Variants in KCNT1 observed in about 807,000 individuals in gnomAD.
The protein encoded by KCNT1 is potassium sodium-activated channel subfamily T member 1, also known as potassium channel subfamily T member 1.
In KCNT1, 78 loss-of-function variants were observed where a neutral mutation model predicts 147.8. That is an observed-to-expected ratio of 0.53 (90% CI 0.44 to 0.64). The LOEUF is 0.64. Ranked by LOEUF, KCNT1 falls within the 30% of genes least tolerant of loss-of-function variation. The pLI is 0.00. For synonymous variants in KCNT1, 867 were observed against 748.8 expected (o/e 1.16, Z -2.58); for missense variants, 1,419 against 1,750.3 (o/e 0.81, Z 3.38).
intron 9 of KCNT1, among the ~76,000 whole-genome samples, 176 bp downstream of exon 9, chr9:135,757,557 A>G (rs1404024563): frequency 6.6e-6 from 1 of 152,178 alleles, no homozygotes; most frequent in African/African-American, 2.4e-5. Flanking sequence ...CATCCAAGCC[A>G]AGCCCCGAAT....
chr9:135,744,999 C>T (rs1056796322), intron 2 of KCNT1, among the ~76,000 whole-genome samples: 5 of 152,308 alleles, frequency 3.3e-5, no homozygotes, highest in East Asian at 3.9e-4. Flanking sequence ...TGTGTGGCTG[C>T]GCCCTGAGCC....
At chr9:135,782,483 C>T (rs976993743) in intron 24 of KCNT1, among the ~76,000 whole-genome samples, 2 of 152,322 alleles carry the variant, frequency 1.3e-5, no homozygotes, top group Non-Finnish European at 1.5e-5. Context: ...TGGGGCTGCA[C>T]GGTGCCTGTC....
At chr9:135,743,910 G>A (rs12685666) in intron 2 of KCNT1, among the ~76,000 whole-genome samples, 20,430 of 152,302 alleles carry the variant, frequency 0.13, 1,548 homozygotes, top group South Asian at 0.17. Flanking sequence ...GCCCTTGGGC[G>A]TATCAGATGC....
At chr9:135,746,011 T>G (rs1176193185) in intron 2 of KCNT1, among the ~76,000 whole-genome samples, 1 of 152,174 alleles carries the variant, frequency 6.6e-6, no homozygotes, top group Non-Finnish European at 1.5e-5. Context: ...AGCCACAGGC[T>G]CCCTCCCCAG....
intron 28 of KCNT1, chr9:135,785,900 G>A: frequency 2.0e-6 from 1 of 509,568 alleles, no homozygotes. Context: ...AGAAATAAGG[G>A]CTCAGAGAGG....
intron 2 of KCNT1, among the ~76,000 whole-genome samples, chr9:135,732,776 C>CTCAT (rs71384017): frequency 6.8e-6 from 1 of 147,106 alleles, no homozygotes; most frequent in Admixed American, 6.8e-5. Flanking sequence ...CTCTCTCTCT[C>CTCAT]ATTCTCTCTC....
chr9:135,783,379 A>G (rs950369521), intron 24 of KCNT1, among the ~76,000 whole-genome samples: 2 of 151,850 alleles, frequency 1.3e-5, no homozygotes, highest in Non-Finnish European at 3.0e-5. Context: ...GGAAAAGGCA[A>G]GAGAAGGAGG....
intron 2 of KCNT1, among the ~76,000 whole-genome samples, chr9:135,727,279 TTCTC>T (rs1168844881): frequency 1.7e-5 from 1 of 60,272 alleles, no homozygotes; most frequent in Non-Finnish European, 3.2e-5. Flanking sequence ...CTCTTTCCCA[TTCTC>T]TCTCTCTCCC....
At chr9:135,785,360 T>C (rs576645110) in intron 28 of KCNT1, 30 bp downstream of exon 28, 1 of 1,612,656 alleles carries the variant, frequency 6.2e-7, no homozygotes, top group Admixed American at 1.7e-5. Context: ...CCACGCAGCT[T>C]CTGCGGAGCA....
intron 2 of KCNT1, among the ~76,000 whole-genome samples, chr9:135,718,025 G>T (rs1015533613): frequency 2.0e-5 from 3 of 152,220 alleles, no homozygotes; most frequent in Non-Finnish European, 2.9e-5. Context: ...CGCACGTGGG[G>T]ACCCCAGCCC....
chr9:135,714,635 CT>C lies in KCNT1; in HGVS notation c.170del (p.Leu57ArgfsTer57). ...LDTAGFKMSDLDSEVLPLPPR... is the reference protein window; with the variant it reads ...LDTAGFKMSDXDSEVLPLPPR... ...CACCGCCGGCTTCAAGATGAGCGAC[CT>C]GGACTCCGAGGTGCTGCCCTTGCCG... On this transcript the variant is annotated frameshift_variant, in exon 2 of 31. Transcript: ENST00000371757. LOFTEE classifies it high-confidence loss of function. The surrounding 1 kb of genome is among the most constrained non-coding windows in gnomAD (Gnocchi z 6.2). 1 of 1,474,180 alleles carries C rather than the reference CT, an allele frequency of 6.8e-7. No homozygotes were observed. The allele number at this position is 1,474,180 out of a possible 1,614,324, so 91.3% of individuals were successfully genotyped here.
chr9:135,702,813 A>G (rs1383454086), intron 1 of KCNT1, among the ~76,000 whole-genome samples: 1 of 152,076 alleles, frequency 6.6e-6, no homozygotes, highest in Admixed American at 6.5e-5. Flanking sequence ...GTTACCCCAC[A>G]CAGTAGGGGG....
At chr9:135,731,604 G>A (rs958752743) in intron 2 of KCNT1, among the ~76,000 whole-genome samples, 2 of 152,032 alleles carry the variant, frequency 1.3e-5, no homozygotes, top group Non-Finnish European at 2.9e-5. Flanking sequence ...GTTCTCTCAC[G>A]TTCCTTTGCG....
intron 20 of KCNT1, among the ~76,000 whole-genome samples, chr9:135,776,461 C>T (rs1833178598): frequency 6.6e-6 from 1 of 152,040 alleles, no homozygotes; most frequent in South Asian, 2.1e-4. Context: ...GTGATGGGGT[C>T]TCACTATGTT....
intron 2 of KCNT1, among the ~76,000 whole-genome samples, chr9:135,718,477 C>T (rs571906186): frequency 3.9e-5 from 6 of 152,302 alleles, no homozygotes; most frequent in African/African-American, 9.6e-5. Flanking sequence ...TGCCCGGACA[C>T]GGCAGCACAG....
intron 2 of KCNT1, among the ~76,000 whole-genome samples, chr9:135,717,679 T>C (rs1391552902): frequency 1.3e-5 from 2 of 152,178 alleles, no homozygotes; most frequent in African/African-American, 4.8e-5. Flanking sequence ...TCCTGAGAAA[T>C]TGCCTCGACT....
chr9:135,789,462 C>G (rs898132009), intron 29 of KCNT1: 1 of 152,382 alleles, frequency 6.6e-6, no homozygotes. Flanking sequence ...CCCACACACA[C>G]AGCGGGAGGA....
intron 24 of KCNT1, among the ~76,000 whole-genome samples, chr9:135,779,701 T>C (rs556814979): frequency 2.0e-5 from 3 of 152,350 alleles, no homozygotes; most frequent in African/African-American, 4.8e-5. Flanking sequence ...GCACTGGGAA[T>C]GTGGCCCATA....
chr9:135,783,434 C>G (rs528654179), intron 24 of KCNT1, among the ~76,000 whole-genome samples: 127 of 152,354 alleles, frequency 8.3e-4, no homozygotes, highest in Non-Finnish European at 1.5e-3. Flanking sequence ...AGGCCTGGAT[C>G]CAGCCTGAGA....
Sources: allele counts gnomAD v4.1 joint callset (sites outside exome capture counted in the v4.1 genomes callset), GRCh38; gene constraint gnomAD v4.1.1; non-coding constraint Gnocchi (gnomAD v3.1); transcripts MANE v1.5; gene names NCBI Gene and HGNC (gene_info 2026-07-23, HGNC 2026-07-21).